The following IRF2 variants were observed in gnomAD, a reference collection of about 807,000 sequenced individuals.
IRF2 encodes interferon regulatory factor 2.
In IRF2, 15 loss-of-function variants were observed where a neutral mutation model predicts 40.6. The observed-to-expected ratio is 0.37, with a 90% CI of 0.25 to 0.57. The LOEUF is 0.57. IRF2 is among the 20% of genes least tolerant of loss of function. The pLI is 0.77. For missense variants in IRF2, 317 were observed against 455.7 expected, an observed-to-expected ratio of 0.70 and a Z score of 2.77; for synonymous variants, 151 against 165.5, an observed-to-expected ratio of 0.91 and a Z score of 0.67.
At chr4:184,407,152 T>A (rs952457154) in intron 6 of IRF2, 1 of 1,283,066 alleles carries the variant, frequency 7.8e-7, no homozygotes, top group Non-Finnish European at 1.0e-6. Context: ...CGGGAGATGG[T>A]TTAAATACAA....
chr4:184,414,228 A>G (rs891390057), intron 5 of IRF2, among the ~76,000 whole-genome samples: 5 of 152,358 alleles, frequency 3.3e-5, no homozygotes, highest in African/African-American at 9.6e-5. Context: ...AACTACTTCT[A>G]TTCTTACTGT....
chr4:184,431,127 CT>C (rs1441932508), intron 1 of IRF2, among the ~76,000 whole-genome samples: 1 of 152,226 alleles, frequency 6.6e-6, no homozygotes, highest in African/African-American at 2.4e-5. Context: ...AGAGGTTGGC[CT>C]CCTCCACTCA....
At chr4:184,395,400 G>A (rs371663403) in intron 7 of IRF2, among the ~76,000 whole-genome samples, 31 of 104,820 alleles carry the variant, frequency 3.0e-4, no homozygotes, top group African/African-American at 1.1e-3. Context: ...GCGACAGAGC[G>A]AGACTCCGTC....
chr4:184,447,916 C>G (rs148210280), intron 1 of IRF2, among the ~76,000 whole-genome samples: 1 of 152,204 alleles, frequency 6.6e-6, no homozygotes, highest in Non-Finnish European at 1.5e-5. Flanking sequence ...GACATTCCAA[C>G]AGGAACAGGG....
At chr4:184,426,063 G>T (rs1038137537) in intron 2 of IRF2, among the ~76,000 whole-genome samples, 1 of 151,872 alleles carries the variant, frequency 6.6e-6, no homozygotes, top group Non-Finnish European at 1.5e-5. Flanking sequence ...GTGCAGTGGT[G>T]CAATCTCAGC....
chr4:184,426,402 T>G (rs551351088), intron 2 of IRF2, among the ~76,000 whole-genome samples: 83 of 152,300 alleles, frequency 5.4e-4, no homozygotes, highest in Middle Eastern at 3.4e-3. Context: ...ATTTCCAGTC[T>G]CTGCCTCAGT....
At chr4:184,407,983 A>G (rs963531474) in intron 6 of IRF2, among the ~76,000 whole-genome samples, 175 bp downstream of exon 6, 15 of 152,122 alleles carry the variant, frequency 9.9e-5, no homozygotes, top group East Asian at 5.8e-4. Context: ...CCTTTATCTG[A>G]TCCTCAAAAG....
chr4:184,397,933 C>T (rs1163890641), intron 7 of IRF2, among the ~76,000 whole-genome samples: 1 of 152,206 alleles, frequency 6.6e-6, no homozygotes, highest in African/African-American at 2.4e-5. Flanking sequence ...GAAGAACCAA[C>T]TGGATCTGTT....
rs1736150624 is a variant in IRF2 at position 184,388,912 on chromosome 4, A to G, written c.896T>C (p.Val299Ala). ...AGGGGGCCAGGAGCTGTTGTAAGGC[A>G]CCGGATTGCTCTCCTCTTTGATGGT... ...QVTIKEESNP[V>A]PYNSSWPPFQ... Residue 299 changes from valine to alanine, a missense_variant, in exon 9 of 9, where the codon GTG (valine) becomes GCG (alanine). By Grantham distance (64) the Val-to-Ala change is moderately conservative (BLOSUM62 0). This residue lies in a region of IRF2 where 262 missense variants were observed against 334.0 expected (regional missense o/e 0.78). Coordinates refer to ENST00000393593, the MANE Select transcript of IRF2 (RefSeq NM_002199.4). This position sits in a 1 kb window ranked among gnomAD's most constrained non-coding sequence, Gnocchi z 4.6. 1.9e-6 allele frequency: 3 copies of G among 1,614,086 alleles called. No individual in the cohort carries two copies. Among genetic ancestry groups the G allele is most frequent in the East Asian group, 2.2e-5 (1 of 44,874 alleles).
In IRF2 at chr4:184,388,733, A is replaced by G; in HGVS notation, c.*25T>C. On this transcript the variant is annotated 3_prime_UTR_variant, in exon 9 of 9. Transcript: ENST00000393593. This position sits in a 1 kb window ranked among gnomAD's most constrained non-coding sequence, Gnocchi z 4.6. ...AACAAAACAAAGCCAAGAAGCCCCA[A>G]CAACCACCGCGGAGAGTCAGAGGCT... is the stretch of plus-strand genomic sequence containing the variant. 6.3e-7 allele frequency: 1 copy of G among 1,575,268 alleles called. No homozygotes were observed. Among genetic ancestry groups the G allele is most frequent in the Non-Finnish European group, 8.6e-7 (1 of 1,168,504 alleles).
intron 6 of IRF2, among the ~76,000 whole-genome samples, chr4:184,401,335 G>A (rs142754282): frequency 5.3e-4 from 80 of 152,282 alleles, no homozygotes; most frequent in Admixed American, 1.8e-3. Context: ...CAATTCATAG[G>A]TTCTTTAATA....
intron 2 of IRF2, 200 bp downstream of exon 2, chr4:184,428,778 C>T: frequency 1.7e-6 from 1 of 593,346 alleles, no homozygotes; most frequent in Non-Finnish European, 3.2e-6. Context: ...CAGCGTGGGC[C>T]ATATAGTGAG....
At chr4:184,471,352 A>T (rs946353869) in intron 1 of IRF2, among the ~76,000 whole-genome samples, 1 of 152,336 alleles carries the variant, frequency 6.6e-6, no homozygotes, top group Non-Finnish European at 1.5e-5. Context: ...TAGTGTAAAG[A>T]TGCTGTCTTT....
chr4:184,415,362 A>T (rs1028869830), intron 5 of IRF2, among the ~76,000 whole-genome samples: 2 of 152,156 alleles, frequency 1.3e-5, no homozygotes, highest in South Asian at 4.1e-4. Flanking sequence ...ACCTAACGGG[A>T]TCTCTCACTT....
chr4:184,401,251 G>A (rs1736654402), intron 6 of IRF2, among the ~76,000 whole-genome samples: 1 of 152,206 alleles, frequency 6.6e-6, no homozygotes, highest in African/African-American at 2.4e-5. Flanking sequence ...ACAGGTTCCT[G>A]TTTTAATTGC....
At chr4:184,423,918 T>C (rs1234344481) in intron 2 of IRF2, among the ~76,000 whole-genome samples, 1 of 152,238 alleles carries the variant, frequency 6.6e-6, no homozygotes, top group African/African-American at 2.4e-5. Flanking sequence ...AAGGCATTCT[T>C]AATATGAATG....
chr4:184,466,239 C>T (rs926774653), intron 1 of IRF2, among the ~76,000 whole-genome samples: 52 of 152,034 alleles, frequency 3.4e-4, no homozygotes, highest in African/African-American at 8.9e-4. Flanking sequence ...TTAGTAGAGA[C>T]GGGGTTTCAC....
chr4:184,394,755 A>C (rs1200391211), intron 7 of IRF2, among the ~76,000 whole-genome samples: 2 of 152,152 alleles, frequency 1.3e-5, no homozygotes, highest in African/African-American at 4.8e-5. Flanking sequence ...CTTCTACTAA[A>C]CCATCAACCA....
chr4:184,416,376 A>G (rs1737276389), intron 5 of IRF2, among the ~76,000 whole-genome samples: 1 of 151,440 alleles, frequency 6.6e-6, no homozygotes, highest in Non-Finnish European at 1.5e-5. Context: ...CGATATGGCT[A>G]ACAACTAGGT....
Sources: allele counts gnomAD v4.1 joint callset (sites outside exome capture counted in the v4.1 genomes callset), GRCh38; gene constraint gnomAD v4.1.1; regional missense constraint gnomAD v4.1.1; non-coding constraint Gnocchi (gnomAD v3.1); transcripts MANE v1.5; gene names NCBI Gene and HGNC (gene_info 2026-07-23, HGNC 2026-07-21).